Variants in CNTNAP4 observed in about 807,000 individuals in gnomAD.
CNTNAP4 encodes the protein contactin-associated protein-like 4.
In CNTNAP4, 98 loss-of-function variants were observed where a neutral mutation model predicts 148.4. The ratio of observed to expected loss-of-function variants is 0.66; its 90% confidence interval spans 0.56 to 0.78. The LOEUF (loss-of-function observed/expected upper bound fraction) is 0.78, where lower values mean the gene tolerates loss of function less well. Ranked by LOEUF, CNTNAP4 falls within the 30% of genes least tolerant of loss-of-function variation. The pLI is 0.00. For synonymous variants in CNTNAP4, 730 were observed against 565.1 expected (o/e 1.29, Z -4.14); for missense variants, 1,935 against 1,565.6 (o/e 1.24, Z -3.98).
intron 1 of CNTNAP4, among the ~76,000 whole-genome samples, chr16:76,313,781 G>C (rs567988568): frequency 1.2e-4 from 19 of 152,212 alleles, no homozygotes; most frequent in Middle Eastern, 3.4e-3. Flanking sequence ...AAAATTTCAG[G>C]TGAATCTAGA....
chr16:76,429,573 C>G (rs566877167), intron 4 of CNTNAP4, among the ~76,000 whole-genome samples: 5 of 152,232 alleles, frequency 3.3e-5, no homozygotes, highest in African/African-American at 1.2e-4. Flanking sequence ...TCAATATTAA[C>G]AAATTTAACA....
At chr16:76,552,306 A>G (rs965915204) in intron 21 of CNTNAP4, among the ~76,000 whole-genome samples, 3 of 152,034 alleles carry the variant, frequency 2.0e-5, no homozygotes, top group East Asian at 1.9e-4. Context: ...ACAATTCAAG[A>G]TGAGATTTGG....
chr16:76,402,558 G>T lies in CNTNAP4; in HGVS notation c.391-24894G>T, dbSNP rs535580361. ...GCTTTTCGTTTCTTGATTTCCTTCA[G>T]TTTAGCTCTGATTTTGGTTATTTCT... On this transcript the variant is annotated intron_variant, in intron 3 of 23. Transcript: ENST00000611870. Among the ~76,000 whole-genome samples, 407 of 152,074 alleles carry T rather than the reference G, an allele frequency of 2.7e-3. 1 individual carries two copies. The highest frequency in any genetic ancestry group is 9.5e-3 in the African/African-American group (393 of 41,494).
At chr16:76,509,332 G>T (rs1044636613) in intron 15 of CNTNAP4, among the ~76,000 whole-genome samples, 3 of 96,404 alleles carry the variant, frequency 3.1e-5, no homozygotes, top group African/African-American at 7.8e-5. Context: ...CAAATGTGAC[G>T]ACCAAAAATG....
At chr16:76,479,620 G>A (rs551613452) in intron 12 of CNTNAP4, 82 bp downstream of exon 12, 4 of 1,436,300 alleles carry the variant, frequency 2.8e-6, no homozygotes, top group African/African-American at 1.5e-5. Flanking sequence ...TAAGCAGAAT[G>A]TTGACGTAAT....
intron 2 of CNTNAP4, among the ~76,000 whole-genome samples, chr16:76,345,845 G>C (rs889198853): frequency 1.3e-5 from 2 of 152,160 alleles, no homozygotes; most frequent in South Asian, 4.1e-4. Flanking sequence ...GGGAGGTCAG[G>C]AGCTTAAAGT....
At chr16:76,439,059 A>T (rs902548405) in intron 4 of CNTNAP4, among the ~76,000 whole-genome samples, 2 of 152,154 alleles carry the variant, frequency 1.3e-5, no homozygotes, top group African/African-American at 4.8e-5. Context: ...TATAATGTGT[A>T]ATATGTCTGT....
chr16:76,325,089 A>C (rs1962833409), intron 2 of CNTNAP4, among the ~76,000 whole-genome samples: 1 of 152,226 alleles, frequency 6.6e-6, no homozygotes, highest in Non-Finnish European at 1.5e-5. Context: ...AGTGAGCCTG[A>C]CATTTTCTGC....
rs1181653019 is a variant in CNTNAP4, at chr16:76,423,813, A to G, written c.391-3639A>G. ...TAAATATAATAAATAGTAACTGCAT[A>G]TTTTTCCAAGTGACACTGGCATTAG... On this transcript the variant is annotated intron_variant, in intron 3 of 23. Transcript: ENST00000611870. 2.0e-5 allele frequency among the ~76,000 whole-genome samples: 3 copies of G among 152,172 alleles called. No homozygotes were observed. The East Asian group carries it at 5.8e-4, about 29-fold the overall frequency.
At chr16:76,329,483 C>G (rs946052572) in intron 2 of CNTNAP4, among the ~76,000 whole-genome samples, 1 of 152,096 alleles carries the variant, frequency 6.6e-6, no homozygotes, top group Non-Finnish European at 1.5e-5. Flanking sequence ...TAACTGTAGC[C>G]CTTCCAAAGG....
At chr16:76,459,803 A>G (rs2080870383) in intron 8 of CNTNAP4, among the ~76,000 whole-genome samples, 2 of 152,148 alleles carry the variant, frequency 1.3e-5, no homozygotes, top group Non-Finnish European at 2.9e-5. Flanking sequence ...ATTCACGACA[A>G]AGACTCTTAG....
At chr16:76,320,592 G>A (rs981353282) in intron 2 of CNTNAP4, among the ~76,000 whole-genome samples, 2 of 152,156 alleles carry the variant, frequency 1.3e-5, no homozygotes, top group Non-Finnish European at 2.9e-5. Flanking sequence ...GCATAGTATT[G>A]TCATTGTTGG....
intron 15 of CNTNAP4, among the ~76,000 whole-genome samples, chr16:76,513,920 C>T (rs1054037309): frequency 2.0e-5 from 3 of 152,124 alleles, no homozygotes; most frequent in Non-Finnish European, 4.4e-5. Flanking sequence ...TTGCTGAAAT[C>T]AGAATCACTC....
intron 3 of CNTNAP4, among the ~76,000 whole-genome samples, chr16:76,394,389 T>C (rs1024316854): frequency 6.6e-6 from 1 of 152,218 alleles, no homozygotes; most frequent in Non-Finnish European, 1.5e-5. Context: ...AAAGCAAATA[T>C]GTCCTCTAAA....
At chr16:76,525,963 G>A (rs929565639) in intron 17 of CNTNAP4, among the ~76,000 whole-genome samples, 28 of 151,220 alleles carry the variant, frequency 1.9e-4, no homozygotes, top group Admixed American at 5.3e-4. Context: ...ATCATCATAT[G>A]TATGTATCCG....
intron 11 of CNTNAP4, among the ~76,000 whole-genome samples, chr16:76,478,891 T>G (rs1337618168): frequency 6.6e-6 from 1 of 152,118 alleles, no homozygotes; most frequent in Non-Finnish European, 1.5e-5. Context: ...CCATTTGTTT[T>G]ATGAAAAAAA....
chr16:76,391,529 C>G (rs1042225562), intron 3 of CNTNAP4, among the ~76,000 whole-genome samples: 2 of 152,202 alleles, frequency 1.3e-5, no homozygotes, highest in African/African-American at 2.4e-5. Flanking sequence ...ATTTTATGCT[C>G]AACCAGGTTG....
rs576356259 is a variant in CNTNAP4 at position 76,522,043 on chromosome 16, G to C, written c.2541G>C (p.Pro847=). 1 of 1,613,712 alleles carries C rather than the reference G, an allele frequency of 6.2e-7. No individual in the cohort carries two copies. Among genetic ancestry groups the C allele is most frequent in the South Asian group, 1.1e-5 (1 of 91,074 alleles). The change falls in exon 17 of 24, where the codon CCG becomes CCC. Residue 847 remains proline (P), a synonymous_variant. Coordinates refer to ENST00000611870, the MANE Select transcript of CNTNAP4 (RefSeq NM_033401.5). The part of the protein sequence containing the change: ...ADFIRIELRS[P]TVVTFSFDVG... The stretch of plus-strand genomic sequence containing the variant: ...CTTTATGTGTAATATTTCCAGCTCC[G>C]ACAGTAGTGACTTTTTCATTTGATG...
In CNTNAP4 at chr16:76,294,859, GC is replaced by G. The variant is rs199894721; in HGVS notation, c.85+17113del. On this transcript the variant is annotated intron_variant, in intron 1 of 23. Coordinates refer to ENST00000611870, the MANE Select transcript of CNTNAP4 (RefSeq NM_033401.5). ...TTATGGTCTCAATCTGTAAATTCTT[GC>G]TCGCAATTGAGAACAGAAGTTTCGA... 2.0e-4 allele frequency among the ~76,000 whole-genome samples: 31 copies of G among 152,256 alleles called. No individual in the cohort carries two copies. The East Asian group carries it at 5.8e-3, about 28-fold the overall frequency.
Sources: allele counts gnomAD v4.1 joint callset (sites outside exome capture counted in the v4.1 genomes callset), GRCh38; gene constraint gnomAD v4.1.1; transcripts MANE v1.5; gene names NCBI Gene and HGNC (gene_info 2026-07-23, HGNC 2026-07-21).